The following RPS6KC1 variants were observed in gnomAD, a reference collection of about 807,000 sequenced individuals.
The protein encoded by RPS6KC1 is inactive ribosomal protein S6 kinase delta-1.
RPS6KC1 carries 54 observed loss-of-function variants against 103.8 expected under a neutral mutation model. That is an observed-to-expected ratio of 0.52 (90% confidence interval 0.42 to 0.65). The LOEUF (loss-of-function observed/expected upper bound fraction) is 0.65, where lower values mean the gene tolerates loss of function less well. RPS6KC1 is among the 30% of genes least tolerant of loss of function. The probability of loss-of-function intolerance (pLI) is 0.00; values close to 1 mark genes in which losing one functional copy is unlikely to be tolerated. For synonymous variants in RPS6KC1, 439 were observed against 438.7 expected, an observed-to-expected ratio of 1.00 and a Z score of -0.01; for missense variants, 1,151 against 1,253.8, an observed-to-expected ratio of 0.92 and a Z score of 1.24.
At chr1:213,812,965 G>A in the RPS6KC1 span, among the ~76,000 whole-genome samples, 2 of 152,112 alleles carry the variant, frequency 1.3e-5, no homozygotes, top group African/African-American at 4.8e-5. Context: ...TATGGCTAAA[G>A]ATGTCGGCCG....
chr1:213,446,308 TC>T, the RPS6KC1 span, among the ~76,000 whole-genome samples: 1 of 152,208 alleles, frequency 6.6e-6, no homozygotes, highest in Non-Finnish European at 1.5e-5. Flanking sequence ...ATTTAATTCC[TC>T]CTGGAGTTAT....
the RPS6KC1 span, among the ~76,000 whole-genome samples, chr1:213,754,234 G>T: frequency 6.6e-6 from 1 of 152,224 alleles, no homozygotes; most frequent in Admixed American, 6.5e-5. Flanking sequence ...GCTTGTGGAT[G>T]GCCGTCTTCT....
chr1:213,258,536 A>G (rs1020600860), intron 12 of RPS6KC1, among the ~76,000 whole-genome samples: 3 of 152,238 alleles, frequency 2.0e-5, no homozygotes, highest in African/African-American at 4.8e-5. Context: ...TGCCTAGTAC[A>G]GTGCCTAATT....
the RPS6KC1 span, among the ~76,000 whole-genome samples, chr1:213,853,210 T>C: frequency 2.0e-5 from 3 of 152,204 alleles, no homozygotes; most frequent in East Asian, 5.8e-4. Context: ...TATTAAGAAA[T>C]AACTAATCAA....
the RPS6KC1 span, among the ~76,000 whole-genome samples, chr1:213,374,649 A>T: frequency 6.6e-6 from 1 of 152,242 alleles, no homozygotes; most frequent in African/African-American, 2.4e-5. Flanking sequence ...GGAAGAAAAG[A>T]GACGTGATCA....
At chr1:213,701,847 C>CA in the RPS6KC1 span, among the ~76,000 whole-genome samples, 1 of 151,418 alleles carries the variant, frequency 6.6e-6, no homozygotes, top group South Asian at 2.1e-4. Context: ...CAATTTTATT[C>CA]AACTTTTCAA....
the RPS6KC1 span, among the ~76,000 whole-genome samples, chr1:213,781,656 C>T: frequency 6.6e-6 from 1 of 152,018 alleles, no homozygotes; most frequent in African/African-American, 2.4e-5. Context: ...GACTGGAGAC[C>T]CAAACTCAAC....
At chr1:213,260,285 T>C (rs1379683056) in intron 12 of RPS6KC1, among the ~76,000 whole-genome samples, 1 of 152,164 alleles carries the variant, frequency 6.6e-6, no homozygotes, top group Non-Finnish European at 1.5e-5. Flanking sequence ...TGATTTGGCA[T>C]GAAGCACTTC....
chr1:213,571,888 C>T, the RPS6KC1 span, among the ~76,000 whole-genome samples: 13 of 152,256 alleles, frequency 8.5e-5, no homozygotes, highest in South Asian at 6.2e-4. Flanking sequence ...TCAGTAGGTC[C>T]GGAGGAGGGC....
chr1:213,192,341 G>T (rs2092778449), intron 8 of RPS6KC1, among the ~76,000 whole-genome samples: 1 of 151,980 alleles, frequency 6.6e-6, no homozygotes, highest in Non-Finnish European at 1.5e-5. Context: ...GTTGTTCTAT[G>T]GTTTTCTTTT....
At chr1:213,392,168 T>C in the RPS6KC1 span, among the ~76,000 whole-genome samples, 1 of 152,150 alleles carries the variant, frequency 6.6e-6, no homozygotes, top group African/African-American at 2.4e-5. Context: ...TCTGGTTCTG[T>C]TGAATCATTA....
At chr1:213,729,887 G>A in the RPS6KC1 span, among the ~76,000 whole-genome samples, 1 of 151,936 alleles carries the variant, frequency 6.6e-6, no homozygotes, top group African/African-American at 2.4e-5. Flanking sequence ...TAAACCTACT[G>A]CCCAATAGTT....
the RPS6KC1 span, among the ~76,000 whole-genome samples, chr1:213,314,098 G>C: frequency 5.3e-5 from 8 of 151,972 alleles, no homozygotes; most frequent in Non-Finnish European, 1.2e-4. Context: ...TTCTGGGGGT[G>C]GCTGTTGGTC....
In RPS6KC1 at chr1:213,104,491, A is replaced by G; in HGVS notation, c.300A>G (p.Gln100=). ...AAACTGTTATCGAAGAGAGAAGACA[A>G]TGTGCTGAAGACCTGCTACAGTTCT... ...FDETVIEERR[Q]CAEDLLQFSA... The change falls in exon 4 of 15, where the codon CAA becomes CAG. Residue 100 remains glutamine, a synonymous_variant. Transcript: ENST00000366960. 2.5e-6 allele frequency: 4 copies of G among 1,612,518 alleles called. No homozygotes were observed. Among genetic ancestry groups the G allele is most frequent in the Non-Finnish European group, 2.5e-6 (3 of 1,178,904 alleles).
intron 12 of RPS6KC1, among the ~76,000 whole-genome samples, chr1:213,251,998 G>C (rs2094554222): frequency 6.6e-6 from 1 of 152,214 alleles, no homozygotes; most frequent in Non-Finnish European, 1.5e-5. Context: ...TAGAATGGTA[G>C]TTTTCTGAGC....
intron 8 of RPS6KC1, among the ~76,000 whole-genome samples, chr1:213,229,070 A>T (rs2094026603): frequency 6.6e-6 from 1 of 152,110 alleles, no homozygotes; most frequent in South Asian, 2.1e-4. Flanking sequence ...CTATAGGAGG[A>T]GCAGCAGGCT....
chr1:213,766,466 A>G, the RPS6KC1 span, among the ~76,000 whole-genome samples: 15 of 151,520 alleles, frequency 9.9e-5, no homozygotes, highest in Middle Eastern at 3.4e-3. Flanking sequence ...TGATGAGGGA[A>G]CACAGGATTT....
rs201244604 is a variant in RPS6KC1, at chr1:213,102,371, C to T, written c.263-2083C>T. Among the ~76,000 whole-genome samples the T allele has an allele frequency of 1.9e-4, 29 of 152,164 alleles. No individual in the cohort carries two copies. In the East Asian group the frequency reaches 4.1e-3, roughly 21 times the overall value. ...CTGAGAAGCTGGGATTATAGGTTTG[C>T]GCCACTGTACCCTGTTTGTGTCATT... On this transcript the variant is annotated intron_variant, in intron 3 of 14. Coordinates refer to ENST00000366960, the MANE Select transcript of RPS6KC1 (RefSeq NM_012424.6).
the RPS6KC1 span, among the ~76,000 whole-genome samples, chr1:213,810,676 A>G: frequency 6.6e-6 from 1 of 152,192 alleles, no homozygotes; most frequent in Non-Finnish European, 1.5e-5. Context: ...GAATTATAAT[A>G]TCTACTCCAA....
Sources: gnomAD v4.1 joint callset for allele counts (sites outside exome capture counted in the v4.1 genomes callset) on GRCh38, gnomAD v4.1.1 for gene constraint, MANE v1.5 for transcripts, NCBI Gene and HGNC (gene_info 2026-07-23, HGNC 2026-07-21) for gene names.